SPON1: variants seen among roughly 807,000 people sequenced by gnomAD.
SPON1 encodes the protein spondin-1.
In SPON1, 52 loss-of-function variants were observed where a neutral mutation model predicts 111.7. The ratio of observed to expected loss-of-function variants is 0.47; its 90% CI spans 0.37 to 0.59. SPON1 has a LOEUF of 0.59. Ranked by LOEUF, SPON1 falls within the 20% of genes least tolerant of loss-of-function variation. SPON1 has a pLI of 0.00. For missense variants in SPON1, 957 were observed against 1,068.5 expected (o/e 0.90, Z 1.46); for synonymous variants, 410 against 395.8 (o/e 1.04, Z -0.43).
chr11:14,222,711 C>T (rs1245139959), intron 6 of SPON1, among the ~76,000 whole-genome samples: 5 of 152,164 alleles, frequency 3.3e-5, no homozygotes, highest in Admixed American at 3.3e-4. Flanking sequence ...CTCTCCTTTC[C>T]CACCACCAGT....
intron 6 of SPON1, among the ~76,000 whole-genome samples, chr11:14,140,240 A>G (rs1349784561): frequency 1.3e-5 from 2 of 152,050 alleles, no homozygotes; most frequent in Non-Finnish European, 2.9e-5. Flanking sequence ...GGCTACTTTT[A>G]TGTCTTCAAT....
Position 14,259,005 on chromosome 11 carries a change from G to A in SPON1, c.1493-275G>A, listed in dbSNP as rs1469169254. 1.3e-5 allele frequency among the ~76,000 whole-genome samples: 2 copies of A among 152,170 alleles called. No homozygotes were observed. Among genetic ancestry groups the A allele is most frequent in the Non-Finnish European group, 2.9e-5 (2 of 68,030 alleles). On this transcript the variant is annotated intron_variant, in intron 11 of 15. Coordinates refer to ENST00000576479, the MANE Select transcript of SPON1 (RefSeq NM_006108.4). This position sits in a 1 kb window ranked among gnomAD's most constrained non-coding sequence, Gnocchi z 5.0. ...ATTATATCTTATCTTAGATATATGC[G>A]TGTACATTTTTTAAACACCATCCTT...
chr11:14,187,054 G>A (rs184934550), intron 6 of SPON1, among the ~76,000 whole-genome samples: 58 of 152,254 alleles, frequency 3.8e-4, no homozygotes, highest in Middle Eastern at 3.4e-3. Flanking sequence ...GCATCTGCTC[G>A]GCTTCCGGTG....
intron 7 of SPON1, among the ~76,000 whole-genome samples, chr11:14,253,967 G>A (rs1849079583): frequency 6.6e-6 from 1 of 152,210 alleles, no homozygotes; most frequent in South Asian, 2.1e-4. Flanking sequence ...CACAAAGAGA[G>A]AGGTTGAAGA....
At chr11:14,052,441 C>A (rs1848714899) in intron 3 of SPON1, among the ~76,000 whole-genome samples, 1 of 152,134 alleles carries the variant, frequency 6.6e-6, no homozygotes, top group African/African-American at 2.4e-5. Context: ...CATTAGGTAG[C>A]AAGAGGAACT....
At position 14,011,713 on chromosome 11, in the gene SPON1, G is replaced by T. The variant is rs116764850; in HGVS notation, c.345+28760G>T. 5.3e-3 allele frequency among the ~76,000 whole-genome samples: 801 copies of T among 152,308 alleles called. 9 individuals are homozygous for T. Among genetic ancestry groups the T allele is most frequent in the African/African-American group, 0.018 (740 of 41,562 alleles). ...AGAGGGAGGGGAGTGAGGGAGGTTT[G>T]AGGAGAATGTAACTCAGTGAGGATC... On this transcript the variant is annotated intron_variant, in intron 2 of 15. Transcript: ENST00000576479.
rs782464657 is a variant in SPON1, at chr11:14,265,604, G to A, written c.2341G>A (p.Val781Ile). ...GGGIQERYMTVKKRFKSSQFT... is the reference protein window; with the variant it reads ...GGGIQERYMTIKKRFKSSQFT... ...TGGAATTCAGGAACGTTACATGACT[G>A]TAAAGAAGAGATTCAAAAGCTCCCA... Residue 781 changes from valine to isoleucine, a missense_variant, in exon 16 of 16, where the codon GTA (valine) becomes ATA (isoleucine). Physicochemically the swap from Val to Ile is conservative, Grantham distance 29. Transcript: ENST00000576479. The A allele has an allele frequency of 1.9e-6, 3 of 1,613,632 alleles. No individual in the cohort carries two copies. The highest frequency in any genetic ancestry group is 1.7e-5 in the Admixed American group (1 of 59,978).
chr11:14,182,526 A>G (rs1405943896), intron 6 of SPON1, among the ~76,000 whole-genome samples: 1 of 152,022 alleles, frequency 6.6e-6, no homozygotes, highest in African/African-American at 2.4e-5. Flanking sequence ...TAGTCACCCC[A>G]TCTCTGCTTC....
intron 2 of SPON1, among the ~76,000 whole-genome samples, chr11:13,984,605 A>G (rs1222943449): frequency 6.6e-6 from 1 of 152,196 alleles, no homozygotes; most frequent in Non-Finnish European, 1.5e-5. Context: ...TCACGACTTC[A>G]TCACCTCTTA....
intron 6 of SPON1, among the ~76,000 whole-genome samples, chr11:14,242,079 C>A (rs140634431): frequency 2.4e-4 from 36 of 152,222 alleles, no homozygotes; most frequent in Admixed American, 5.2e-4. Context: ...TGCACCACCA[C>A]CACCCAGCAG....
intron 6 of SPON1, among the ~76,000 whole-genome samples, chr11:14,187,051 C>T (rs1848292916): frequency 6.6e-6 from 1 of 152,172 alleles, no homozygotes; most frequent in Admixed American, 6.5e-5. Flanking sequence ...CTGGCATCTG[C>T]TCGGCTTCCG....
chr11:14,247,467 T>C lies in SPON1; in HGVS notation c.890+4071T>C, dbSNP rs1849005010. ...ACATGATCATATTTGCATTAAAAAA[T>C]AAAAAGCAATAACAGCACTCGGCCC... is the stretch of plus-strand genomic sequence containing the variant. On this transcript the variant is annotated intron_variant, in intron 7 of 15. Coordinates refer to ENST00000576479, the MANE Select transcript of SPON1 (RefSeq NM_006108.4). Among the ~76,000 whole-genome samples, 9 of 152,116 alleles carry C rather than the reference T, an allele frequency of 5.9e-5. No individual in the cohort carries two copies. The South Asian group carries it at 1.9e-3, about 32-fold the overall frequency.
Position 14,259,473 on chromosome 11 carries a change from C to A in SPON1, c.1663+23C>A. 2 of 1,595,114 alleles carry A rather than the reference C, an allele frequency of 1.3e-6. No homozygotes were observed. The highest frequency in any genetic ancestry group is 2.3e-5 in the East Asian group (1 of 44,050). ...GCTGTGAGTGGGGGCCCCGGGCGGG[C>A]AGGCGGGCAAGTAGGTCGGGGAGGC... On this transcript the variant is annotated intron_variant, in intron 12 of 15. Transcript: ENST00000576479. The surrounding 1 kb of genome is among the most constrained non-coding windows in gnomAD (Gnocchi z 5.0).
chr11:13,992,440 CT>C (rs1191822895), intron 2 of SPON1, among the ~76,000 whole-genome samples: 8 of 152,162 alleles, frequency 5.3e-5, no homozygotes, highest in African/African-American at 1.9e-4. Flanking sequence ...CCATCTCAGA[CT>C]GCTGCTGTGC....
chr11:14,123,259 G>T (rs1050752533), intron 5 of SPON1, among the ~76,000 whole-genome samples: 3 of 152,204 alleles, frequency 2.0e-5, no homozygotes, highest in Admixed American at 2.0e-4. Context: ...ATTGCATGAT[G>T]GACATTGTAA....
intron 2 of SPON1, among the ~76,000 whole-genome samples, chr11:14,005,797 G>A (rs1848355045): frequency 6.6e-6 from 1 of 152,174 alleles, no homozygotes. Flanking sequence ...TGGACTTAGG[G>A]TCATTCAATA....
Position 14,259,323 on chromosome 11 carries a change from C to A in SPON1, c.1536C>A (p.Pro512=). 6.2e-7 allele frequency: 1 copy of A among 1,613,122 alleles called. No individual in the cohort carries two copies. The highest frequency in any genetic ancestry group is 8.5e-7 in the Non-Finnish European group (1 of 1,179,652). The stretch of plus-strand genomic sequence containing the variant: ...TGTCCGAGTGGATCACCTGGTCGCC[C>A]TGCAGCATCTCCTGCGGCATGGGCA... ...CTMSEWITWS[P]CSISCGMGMR... is the part of the protein sequence containing the mutation. The change falls in exon 12 of 16, where the codon CCC becomes CCA. Residue 512 remains proline, a synonymous_variant. Transcript: ENST00000576479. The surrounding 1 kb of genome is among the most constrained non-coding windows in gnomAD (Gnocchi z 5.0).
chr11:14,066,937 G>A (rs1164635367), intron 3 of SPON1, among the ~76,000 whole-genome samples: 1 of 152,108 alleles, frequency 6.6e-6, no homozygotes, highest in Non-Finnish European at 1.5e-5. Context: ...GCACTTTGAG[G>A]GGCCTAGGCA....
intron 5 of SPON1, among the ~76,000 whole-genome samples, chr11:14,119,799 C>T (rs1372742189): frequency 6.6e-6 from 1 of 152,162 alleles, no homozygotes; most frequent in African/African-American, 2.4e-5. Flanking sequence ...GGACTACCTG[C>T]ACAGTTGGTT....
Sources: gnomAD v4.1 joint callset for allele counts (sites outside exome capture counted in the v4.1 genomes callset) on GRCh38, gnomAD v4.1.1 for gene constraint, Gnocchi (gnomAD v3.1) non-coding constraint, MANE v1.5 for transcripts, NCBI Gene and HGNC (gene_info 2026-07-23, HGNC 2026-07-21) for gene names.